CBLN2: variants seen among roughly 807,000 people sequenced by gnomAD.
The protein encoded by CBLN2 is cerebellin 2 precursor, also known as cerebellin-2.
CBLN2 carries 7 observed loss-of-function variants against 15.0 expected under a neutral mutation model. That is an observed-to-expected ratio of 0.47 (90% CI 0.27 to 0.88). The LOEUF (loss-of-function observed/expected upper bound fraction) is 0.88. Among genes scored for constraint, CBLN2 ranks in the 40% least tolerant of loss-of-function variants. CBLN2 has a pLI of 0.14. For missense variants in CBLN2, 242 were observed against 304.5 expected (o/e 0.79, Z 1.53); for synonymous variants, 149 against 135.2 (o/e 1.10, Z -0.71).
At chr18:72,631,923 A>G (rs538904071) in intron 1 of CBLN2, among the ~76,000 whole-genome samples, 1 of 152,282 alleles carries the variant, frequency 6.6e-6, no homozygotes, top group East Asian at 1.9e-4. Context: ...TCATCATCTG[A>G]TCAACGATTT....
intron 1 of CBLN2, among the ~76,000 whole-genome samples, chr18:72,582,716 T>C (rs956590672): frequency 1.3e-5 from 2 of 152,068 alleles, no homozygotes; most frequent in Admixed American, 6.5e-5. Flanking sequence ...CATACCCAAG[T>C]CTAAAGCCAA....
rs577313591 is a variant in CBLN2 at position 72,569,098 on chromosome 18, G to A, written c.16-30326C>T. 2.1e-4 allele frequency among the ~76,000 whole-genome samples: 32 copies of A among 152,180 alleles called. 1 individual carries two copies. The South Asian group carries it at 2.3e-3, about 11-fold the overall frequency. ...AAACTAGTTGTTAAATATTTACTCT[G>A]ATACCACCGGAGTCGTTACCACAGG... On this transcript the variant is annotated intron_variant, in intron 1 of 2. Coordinates refer to the CBLN2 transcript ENST00000581073.
rs1406617799 is a variant in CBLN2 at position 72,602,023 on chromosome 18, T to TGGCCCTGCTCTAGCCCCTGC, written c.15+36282_15+36301dup. Among the ~76,000 whole-genome samples, 207 of 152,290 alleles carry TGGCCCTGCTCTAGCCCCTGC rather than the reference T, an allele frequency of 1.4e-3. 1 individual carries two copies. The highest frequency in any genetic ancestry group is 2.2e-4 in the Non-Finnish European group (15 of 68,022). On this transcript the variant is annotated intron_variant, in intron 1 of 2. Coordinates refer to the CBLN2 transcript ENST00000581073. Reference sequence around the variant, plus strand: ...AGTGCACCGAAGCCTGGAGGGCCTGTGGCCCTGCTCTAGCCCCTGCTGAGC... The same window carrying TGGCCCTGCTCTAGCCCCTGC: ...AGTGCACCGAAGCCTGGAGGGCCTGTGGCCCTGCTCTAGCCCCTGCGGCCCTGCTCTAGCCCCTGCTGAGC...
chr18:72,602,356 G>A (rs1446333105), intron 1 of CBLN2, among the ~76,000 whole-genome samples: 3 of 152,162 alleles, frequency 2.0e-5, no homozygotes, highest in Non-Finnish European at 2.9e-5. Context: ...CAGCATCCCC[G>A]TGCTGTCACT....
intron 3 of CBLN2, chr18:72,540,379 G>A (rs1454288393): frequency 6.6e-6 from 1 of 152,140 alleles, no homozygotes; most frequent in East Asian, 1.9e-4. Flanking sequence ...AACGCACCCT[G>A]CCATAGTTTG....
chr18:72,554,751 G>A (rs575190500), intron 1 of CBLN2, among the ~76,000 whole-genome samples: 12 of 152,006 alleles, frequency 7.9e-5, no homozygotes, highest in East Asian at 5.8e-4. Context: ...CAATAAAAAC[G>A]TTAAAGAAAA....
chr18:72,615,129 A>T (rs1012070873), intron 1 of CBLN2, among the ~76,000 whole-genome samples: 2 of 88,936 alleles, frequency 2.2e-5, no homozygotes, highest in Non-Finnish European at 3.8e-5. Flanking sequence ...ATATATAAAT[A>T]TATTATATAA....
chr18:72,621,813 A>T (rs531680766), intron 1 of CBLN2, among the ~76,000 whole-genome samples: 2 of 152,346 alleles, frequency 1.3e-5, no homozygotes, highest in East Asian at 3.9e-4. Flanking sequence ...TTCCAATGGT[A>T]TCATTGCTTA....
chr18:72,583,489 G>C (rs909450097), intron 1 of CBLN2, among the ~76,000 whole-genome samples: 3 of 152,152 alleles, frequency 2.0e-5, no homozygotes, highest in African/African-American at 7.2e-5. Context: ...GCCAAAGCAG[G>C]TGTGAATGAA....
intron 1 of CBLN2, among the ~76,000 whole-genome samples, chr18:72,554,507 A>G (rs2069211481): frequency 6.6e-6 from 1 of 152,152 alleles, no homozygotes; most frequent in African/African-American, 2.4e-5. Flanking sequence ...CATTACGTTA[A>G]TTAGCCTAAC....
rs141394757 is a variant in CBLN2 at position 72,566,199 on chromosome 18, C to T, written c.16-27427G>A. On this transcript the variant is annotated intron_variant, in intron 1 of 2. Coordinates refer to the CBLN2 transcript ENST00000581073. ...TGGCCAGGATATGGAGGGAAGGGAA[C>T]ACTTGCACACTGTTGGTGGGAATGT... Among the ~76,000 whole-genome samples, 801 of 152,250 alleles carry T rather than the reference C, an allele frequency of 5.3e-3. 2 individuals are homozygous for T. The highest frequency in any genetic ancestry group is 0.031 in the Middle Eastern group (9 of 294).
chr18:72,547,374 A>C (rs1447310977), upstream of CBLN2, among the ~76,000 whole-genome samples: 1 of 152,188 alleles, frequency 6.6e-6, no homozygotes, highest in Non-Finnish European at 1.5e-5. Context: ...AGGATGGTTG[A>C]GGATAAGAAA....
chr18:72,605,249 T>C (rs1268941859), intron 1 of CBLN2, among the ~76,000 whole-genome samples: 2 of 152,190 alleles, frequency 1.3e-5, no homozygotes, highest in East Asian at 3.9e-4. Context: ...TTGAACACGC[T>C]GTGGAAATAC....
rs768987187 is a variant in CBLN2 at position 72,538,686 on chromosome 18, G to T, written c.444C>A (p.His148Gln). 6.2e-7 allele frequency: 1 copy of T among 1,613,968 alleles called. No homozygotes were observed. The highest frequency in any genetic ancestry group is 8.5e-7 in the Non-Finnish European group (1 of 1,180,008). The change falls in exon 4 of 5, where the codon CAC (histidine) becomes CAA (glutamine). Residue 148 changes from histidine (H) to glutamine (Q), a missense_variant. By Grantham distance (24) the His-to-Gln change is conservative (BLOSUM62 0). Coordinates refer to ENST00000269503, the MANE Select transcript of CBLN2 (RefSeq NM_182511.4). ...PRKGIYSFSF[H>Q]VVKVYNRQTI... The stretch of plus-strand genomic sequence containing the variant: ...TTTGTCTGTTATACACTTTGACCAC[G>T]TGGAAGCTGAAGCTATAAATCCCTT...
intron 1 of CBLN2, among the ~76,000 whole-genome samples, chr18:72,568,109 A>G (rs372201692): frequency 6.2e-4 from 95 of 152,174 alleles, no homozygotes; most frequent in African/African-American, 2.2e-3. Context: ...ATGCCGCTAT[A>G]TCCATTATTC....
chr18:72,553,896 T>TA (rs2069207392), intron 1 of CBLN2, among the ~76,000 whole-genome samples: 1 of 152,190 alleles, frequency 6.6e-6, no homozygotes, highest in East Asian at 1.9e-4. Flanking sequence ...AACATTTGGC[T>TA]AAAACGAGAC....
chr18:72,604,387 T>C (rs2069569565), intron 1 of CBLN2, among the ~76,000 whole-genome samples: 1 of 152,234 alleles, frequency 6.6e-6, no homozygotes, highest in Non-Finnish European at 1.5e-5. Context: ...TTTTGTCATA[T>C]TTATTTTGCA....
At chr18:72,572,192 G>A (rs552264654) in intron 1 of CBLN2, among the ~76,000 whole-genome samples, 28 of 152,084 alleles carry the variant, frequency 1.8e-4, no homozygotes, top group Admixed American at 1.6e-3. Context: ...GTTGTATCAT[G>A]CATGTGGCTC....
chr18:72,618,241 TTAA>T, intron 1 of CBLN2: 1 of 269,678 alleles, frequency 3.7e-6, no homozygotes, highest in Admixed American at 4.6e-5. Flanking sequence ...GGAAGCATTG[TTAA>T]AGTCTCTCTT....
Sources: gnomAD v4.1 joint callset for allele counts (sites outside exome capture counted in the v4.1 genomes callset) on GRCh38, gnomAD v4.1.1 for gene constraint, MANE v1.5 for transcripts, NCBI Gene and HGNC (gene_info 2026-07-23, HGNC 2026-07-21) for gene names.